CMC1: variants seen among roughly 807,000 people sequenced by gnomAD.
CMC1 encodes the protein C-X9-C motif containing 1.
A neutral mutation model predicts 14.1 loss-of-function variants in CMC1; 14 were observed. The ratio of observed to expected loss-of-function variants is 0.99; its 90% CI spans 0.66 to 1.55. The LOEUF is 1.55. Among genes scored for constraint, CMC1 ranks in the 40% most tolerant of loss-of-function variants. The pLI is 0.00. For missense variants in CMC1, 127 were observed against 123.8 expected (o/e 1.03, Z -0.12); for synonymous variants, 50 against 38.4 (o/e 1.30, Z -1.12).
chr3:28,267,852 C>A (rs1483515172), intron 2 of CMC1, among the ~76,000 whole-genome samples: 1 of 152,162 alleles, frequency 6.6e-6, no homozygotes. Context: ...GGGCTGCAGA[C>A]TATATACATG....
At chr3:28,242,630 C>T (rs1313149649) in intron 1 of CMC1, among the ~76,000 whole-genome samples, 1 of 152,118 alleles carries the variant, frequency 6.6e-6, no homozygotes, top group Non-Finnish European at 1.5e-5. Context: ...ATGTTATTAC[C>T]ATGCTAAGTG....
chr3:28,243,261 C>T (rs548172625), intron 1 of CMC1, among the ~76,000 whole-genome samples: 2 of 151,994 alleles, frequency 1.3e-5, no homozygotes, highest in South Asian at 4.2e-4. Context: ...TCGCCGTGTT[C>T]GCCATGCTGG....
At chr3:28,272,547 G>T (rs1559413999) in intron 2 of CMC1, among the ~76,000 whole-genome samples, 1 of 152,164 alleles carries the variant, frequency 6.6e-6, no homozygotes, top group Non-Finnish European at 1.5e-5. Context: ...TGTTGAACCA[G>T]CCTTGCATCG....
At chr3:28,299,759 T>TA (rs879366195) in intron 2 of CMC1, among the ~76,000 whole-genome samples, 81 of 152,162 alleles carry the variant, frequency 5.3e-4, no homozygotes, top group Non-Finnish European at 9.9e-4. Flanking sequence ...TACTTTTTTT[T>TA]ATGTTCAACA....
intron 2 of CMC1, among the ~76,000 whole-genome samples, chr3:28,312,011 A>G (rs1702661002): frequency 6.6e-6 from 1 of 152,182 alleles, no homozygotes; most frequent in African/African-American, 2.4e-5. Context: ...TAGAGTTGAT[A>G]TGATGTATTA....
At chr3:28,272,371 T>C (rs990970729) in intron 2 of CMC1, among the ~76,000 whole-genome samples, 35 of 152,050 alleles carry the variant, frequency 2.3e-4, no homozygotes, top group Admixed American at 9.8e-4. Context: ...ATGAATGGCT[T>C]TTATTATTTT....
At chr3:28,249,835 A>G (rs931010955) in intron 1 of CMC1, among the ~76,000 whole-genome samples, 32 of 152,304 alleles carry the variant, frequency 2.1e-4, no homozygotes, top group Admixed American at 7.8e-4. Flanking sequence ...TCTGGAGGCT[A>G]GGAAGTTCAA....
At chr3:28,249,537 C>T (rs1699016009) in intron 1 of CMC1, among the ~76,000 whole-genome samples, 1 of 152,200 alleles carries the variant, frequency 6.6e-6, no homozygotes, top group Non-Finnish European at 1.5e-5. Context: ...CAGTAGTTCT[C>T]AGTCTAGCTG....
chr3:28,246,891 A>G (rs1016312134), intron 1 of CMC1, among the ~76,000 whole-genome samples: 10 of 147,704 alleles, frequency 6.8e-5, no homozygotes. Flanking sequence ...CTTCACATTT[A>G]CTAGATGGTT....
chr3:28,278,732 A>G (rs1305252674), intron 2 of CMC1, among the ~76,000 whole-genome samples: 1 of 152,152 alleles, frequency 6.6e-6, no homozygotes. Flanking sequence ...AGAGTAAATT[A>G]CCTATTCGGT....
At chr3:28,319,245 A>T (rs1490060640) in intron 3 of CMC1, 1 of 507,760 alleles carries the variant, frequency 2.0e-6, no homozygotes, top group African/African-American at 1.9e-5. Context: ...TCCAGTCTTT[A>T]CTTGTCCTTT....
intron 1 of CMC1, 34 bp from the exon 2 acceptor site, chr3:28,263,257 A>G (rs1699826324): frequency 6.8e-7 from 1 of 1,478,746 alleles, no homozygotes; most frequent in Non-Finnish European, 9.3e-7. Context: ...GATTTGCTTG[A>G]GACTTTATTA....
chr3:28,269,324 T>A (rs1437691178), intron 2 of CMC1, among the ~76,000 whole-genome samples: 1 of 152,232 alleles, frequency 6.6e-6, no homozygotes, highest in East Asian at 1.9e-4. Flanking sequence ...GATTATCTTG[T>A]TTCTGAAAAC....
intron 1 of CMC1, among the ~76,000 whole-genome samples, chr3:28,252,999 G>A (rs1482783544): frequency 3.4e-5 from 5 of 146,524 alleles, no homozygotes; most frequent in African/African-American, 1.2e-4. Flanking sequence ...TTCTAGTATG[G>A]CTTGAAGGAA....
Position 28,324,315 on chromosome 3 carries a change from A to G in CMC1, c.*4686A>G, listed in dbSNP as rs1703299068. 1 of 1,606,828 alleles carries G rather than the reference A, an allele frequency of 6.2e-7. No individual in the cohort carries two copies. Among genetic ancestry groups the G allele is most frequent in the African/African-American group, 1.3e-5 (1 of 74,498 alleles). On this transcript the variant is annotated 3_prime_UTR_variant, in exon 4 of 4. Coordinates refer to ENST00000466830, the MANE Select transcript of CMC1 (RefSeq NM_182523.2). ...ATAAAACCTTTACATCTCCTGGTAA[A>G]GGGGAAGATGTGGTATGACAAAGAG... is the stretch of plus-strand genomic sequence containing the variant.
rs147806592 is a variant in CMC1, at chr3:28,270,809, G to A, written c.109+7429G>A. Among the ~76,000 whole-genome samples, 1,033 of 151,394 alleles carry A rather than the reference G, an allele frequency of 6.8e-3. 3 individuals are homozygous for A. Among genetic ancestry groups the A allele is most frequent in the Non-Finnish European group, 0.012 (811 of 67,922 alleles). On this transcript the variant is annotated intron_variant, in intron 2 of 3. Transcript: ENST00000466830. ...TGTTGCAATTGGTTTTGGCATTTTC[G>A]TCATGAAATTCTTGCCCGTGCCTAT...
intron 1 of CMC1, among the ~76,000 whole-genome samples, chr3:28,246,812 T>C (rs564602423): frequency 6.6e-6 from 1 of 151,896 alleles, no homozygotes. Context: ...TTTTTTTTTT[T>C]TTTTTTACCT....
chr3:28,249,641 C>A (rs1031050140), intron 1 of CMC1, among the ~76,000 whole-genome samples: 1 of 152,128 alleles, frequency 6.6e-6, no homozygotes, highest in African/African-American at 2.4e-5. Context: ...GGGGCCCAAG[C>A]ATTAAGAATT....
At chr3:28,308,372 T>C (rs1702444076) in intron 2 of CMC1, among the ~76,000 whole-genome samples, 1 of 152,252 alleles carries the variant, frequency 6.6e-6, no homozygotes, top group Non-Finnish European at 1.5e-5. Context: ...GGAAGCTTTA[T>C]TTCACTATTG....
Sources: gnomAD v4.1 joint callset for allele counts (sites outside exome capture counted in the v4.1 genomes callset) on GRCh38, gnomAD v4.1.1 for gene constraint, MANE v1.5 for transcripts, NCBI Gene and HGNC (gene_info 2026-07-23, HGNC 2026-07-21) for gene names.